The following ABCC4 variants were observed in gnomAD, a reference collection of about 807,000 sequenced individuals.
ABCC4 encodes ATP-binding cassette sub-family C member 4.
ABCC4 carries 102 observed loss-of-function variants against 168.5 expected under a neutral mutation model. That is an observed-to-expected ratio of 0.61 (90% confidence interval 0.52 to 0.71). The LOEUF is 0.71. Ranked by LOEUF, ABCC4 falls within the 30% of genes least tolerant of loss-of-function variation. The probability of loss-of-function intolerance (pLI) is 0.00; values close to 1 mark genes in which losing one functional copy is unlikely to be tolerated. For synonymous variants in ABCC4, 617 were observed against 590.7 expected, an observed-to-expected ratio of 1.04 and a Z score of -0.65; for missense variants, 1,402 against 1,605.8, an observed-to-expected ratio of 0.87 and a Z score of 2.17.
intron 19 of ABCC4, among the ~76,000 whole-genome samples, chr13:95,133,174 C>T (rs2036032750): frequency 7.6e-6 from 1 of 131,242 alleles, no homozygotes; most frequent in South Asian, 2.3e-4. Context: ...AGTGCAGGGG[C>T]ACAGTCTCGG....
In ABCC4 at chr13:95,104,570, G is replaced by T. The variant is rs146593323; in HGVS notation, c.2535+11352C>A. On this transcript the variant is annotated intron_variant, in intron 20 of 30. Coordinates refer to ENST00000645237, the MANE Select transcript of ABCC4 (RefSeq NM_005845.5). ...ATTTATTCTCATCCACACATAATTTGTTAACAATTTTTTAAAGTGAAGATT... is the reference window on the plus strand; with the variant it reads ...ATTTATTCTCATCCACACATAATTTTTTAACAATTTTTTAAAGTGAAGATT... Among the ~76,000 whole-genome samples the T allele has an allele frequency of 1.6e-3, 240 of 152,268 alleles. 1 individual carries two copies. Among genetic ancestry groups the T allele is most frequent in the African/African-American group, 5.0e-3 (206 of 41,536 alleles).
intron 20 of ABCC4, among the ~76,000 whole-genome samples, chr13:95,095,222 T>C (rs889961261): frequency 1.7e-4 from 26 of 152,248 alleles, no homozygotes; most frequent in African/African-American, 6.0e-4. Flanking sequence ...CGATTCACAA[T>C]TGCAAAATCA....
At chr13:95,074,166 C>T (rs753464367) in intron 23 of ABCC4, 48 bp downstream of exon 23, 37 of 1,407,690 alleles carry the variant, frequency 2.6e-5, no homozygotes, top group Non-Finnish European at 3.5e-5. Context: ...GTAAACACAG[C>T]TATAAATTGT....
chr13:95,078,208 T>TTCTCTC (rs1566397994), intron 21 of ABCC4, among the ~76,000 whole-genome samples: 1 of 151,732 alleles, frequency 6.6e-6, no homozygotes, highest in Non-Finnish European at 1.5e-5. Context: ...GTCCACAGGG[T>TTCTCTC]TCTCTCTATT....
intron 5 of ABCC4, 44 bp downstream of exon 5, chr13:95,210,646 AGG>A: frequency 6.9e-7 from 1 of 1,454,020 alleles, no homozygotes; most frequent in Non-Finnish European, 9.7e-7. Context: ...AAGGGGAAAG[AGG>A]GGTGTTTAAT....
intron 21 of ABCC4, among the ~76,000 whole-genome samples, chr13:95,080,380 T>A (rs2766478): frequency 0.58 from 83,914 of 145,716 alleles, 24,106 homozygotes; most frequent in South Asian, 0.75. Context: ...ACTGCAGATT[T>A]GTTTTTGTTT....
In ABCC4 at chr13:95,110,929, C is replaced by T. The variant is rs142196724; in HGVS notation, c.2535+4993G>A. ...GCTGCAGTGAGCTGAGACTGCGCCA[C>T]TGCACTCCAGCCTGGGCTTCAGAGC... On this transcript the variant is annotated intron_variant, in intron 20 of 30. Transcript: ENST00000645237. Among the ~76,000 whole-genome samples, 918 of 146,426 alleles carry T rather than the reference C, an allele frequency of 6.3e-3. 9 individuals are homozygous for T. The highest frequency in any genetic ancestry group is 0.021 in the African/African-American group (840 of 39,562).
chr13:95,293,549 T>C (rs10467345), intron 1 of ABCC4, among the ~76,000 whole-genome samples: 6 of 139,096 alleles, frequency 4.3e-5, no homozygotes, highest in South Asian at 2.4e-4. Context: ...TCACTGCAAC[T>C]TCTGCCTCCC....
At chr13:95,243,333 G>C (rs1391525743) in intron 3 of ABCC4, among the ~76,000 whole-genome samples, 2 of 152,212 alleles carry the variant, frequency 1.3e-5, no homozygotes, top group Non-Finnish European at 2.9e-5. Flanking sequence ...CAGGCCAAAG[G>C]CTTCTGAAAC....
At chr13:95,290,764 G>A (rs953809292) in intron 1 of ABCC4, among the ~76,000 whole-genome samples, 5 of 145,066 alleles carry the variant, frequency 3.4e-5, no homozygotes, top group East Asian at 2.1e-4. Context: ...CAGTAGCATC[G>A]CGCCATTGCA....
chr13:95,178,114 G>A (rs377204979), intron 11 of ABCC4, 23 bp from the exon 12 acceptor site: 249 of 1,599,642 alleles, frequency 1.6e-4, no homozygotes, highest in Non-Finnish European at 2.0e-4. Context: ...AGGAAAGAAG[G>A]GGGGAAAAAG....
chr13:95,044,119 T>C, intron 28 of ABCC4, 147 bp downstream of exon 28: 1 of 903,958 alleles, frequency 1.1e-6, no homozygotes, highest in Non-Finnish European at 1.6e-6. Context: ...GGGTTTCTTC[T>C]TTTTTTTTCA....
intron 20 of ABCC4, among the ~76,000 whole-genome samples, chr13:95,085,832 T>C (rs1476356717): frequency 6.6e-6 from 1 of 152,138 alleles, no homozygotes; most frequent in Non-Finnish European, 1.5e-5. Flanking sequence ...TTCGCATCCA[T>C]TATCTAACTT....
chr13:95,048,555 C>T (rs749988687), intron 27 of ABCC4, among the ~76,000 whole-genome samples: 69 of 152,150 alleles, frequency 4.5e-4, no homozygotes, highest in Non-Finnish European at 7.8e-4. Flanking sequence ...TAAGTGTGAA[C>T]GAAGCGAGCG....
At chr13:95,117,424 G>C (rs1033185194) in intron 19 of ABCC4, among the ~76,000 whole-genome samples, 1 of 152,190 alleles carries the variant, frequency 6.6e-6, no homozygotes, top group African/African-American at 2.4e-5. Flanking sequence ...TGGCCCTGGG[G>C]AGGAGCTGGA....
intron 1 of ABCC4, among the ~76,000 whole-genome samples, chr13:95,282,045 G>C (rs144561936): frequency 0.013 from 1,952 of 151,922 alleles, 21 homozygotes; most frequent in Non-Finnish European, 0.021. Context: ...AGGGGTGGAG[G>C]TTGCAGTGGG....
intron 20 of ABCC4, among the ~76,000 whole-genome samples, chr13:95,087,249 G>C (rs2034287012): frequency 6.6e-6 from 1 of 152,136 alleles, no homozygotes; most frequent in Non-Finnish European, 1.5e-5. Context: ...AAACTGGCAG[G>C]GTGCGGTGGC....
intron 1 of ABCC4, among the ~76,000 whole-genome samples, chr13:95,266,879 CTT>C (rs34395714): frequency 1.1e-4 from 13 of 116,796 alleles, no homozygotes; most frequent in Admixed American, 2.0e-4. Context: ...CAAATCTCAT[CTT>C]TTTTTTTTTT....
intron 3 of ABCC4, among the ~76,000 whole-genome samples, chr13:95,238,172 G>GAAC (rs984247741): frequency 3.4e-5 from 4 of 117,872 alleles, no homozygotes; most frequent in Admixed American, 3.4e-4. Flanking sequence ...CCAGCCTGGA[G>GAAC]AACAGCACAA....
Sources: gnomAD v4.1 joint callset for allele counts (sites outside exome capture counted in the v4.1 genomes callset) on GRCh38, gnomAD v4.1.1 for gene constraint, MANE v1.5 for transcripts, NCBI Gene and HGNC (gene_info 2026-07-23, HGNC 2026-07-21) for gene names.